Variants in GAREM1 observed in about 807,000 individuals in gnomAD.
GAREM1 encodes the protein GRB2-associated and regulator of MAPK protein 1.
A neutral mutation model predicts 71.3 loss-of-function variants in GAREM1; 26 were observed. The observed-to-expected ratio is 0.36, with a 90% confidence interval of 0.27 to 0.51. GAREM1 has a LOEUF of 0.51. Among genes scored for constraint, GAREM1 ranks in the 20% least tolerant of loss-of-function variants. The pLI is 0.95. For synonymous variants in GAREM1, 440 were observed against 433.2 expected (o/e 1.02, Z -0.20); for missense variants, 1,026 against 1,103.1 (o/e 0.93, Z 0.99).
intron 3 of GAREM1, among the ~76,000 whole-genome samples, chr18:32,308,153 T>A (rs79921336): frequency 0.018 from 2,785 of 152,304 alleles, 88 homozygotes; most frequent in African/African-American, 0.064. Flanking sequence ...CAATTAGTTT[T>A]ATGGATGCTA....
intron 1 of GAREM1, among the ~76,000 whole-genome samples, chr18:32,410,458 C>T (rs1482883272): frequency 6.6e-6 from 1 of 152,144 alleles, no homozygotes; most frequent in Non-Finnish European, 1.5e-5. Flanking sequence ...AATGATTCTC[C>T]TGCCTTAGCC....
chr18:32,310,743 AG>A (rs1474843572), intron 2 of GAREM1, among the ~76,000 whole-genome samples: 1 of 152,092 alleles, frequency 6.6e-6, no homozygotes. Context: ...AGCCTGGGAG[AG>A]CTAACTTTTA....
chr18:32,403,947 G>T (rs1297819478), intron 1 of GAREM1, among the ~76,000 whole-genome samples: 1 of 152,162 alleles, frequency 6.6e-6, no homozygotes, highest in Non-Finnish European at 1.5e-5. Context: ...TTTAAAACTG[G>T]TCTATACATT....
At chr18:32,321,225 G>A (rs1040178661) in intron 2 of GAREM1, among the ~76,000 whole-genome samples, 8 of 152,010 alleles carry the variant, frequency 5.3e-5, no homozygotes, top group East Asian at 1.9e-4. Context: ...CCTCTGCCTC[G>A]GCTTTTATTT....
At chr18:32,337,912 T>C (rs563459662) in intron 2 of GAREM1, among the ~76,000 whole-genome samples, 1 of 152,292 alleles carries the variant, frequency 6.6e-6, no homozygotes, top group East Asian at 1.9e-4. Flanking sequence ...TTGAACTTCC[T>C]TGGTTGAATG....
intron 1 of GAREM1, among the ~76,000 whole-genome samples, chr18:32,458,479 T>C (rs1195921050): frequency 6.6e-6 from 1 of 152,070 alleles, no homozygotes; most frequent in African/African-American, 2.4e-5. Context: ...TCACAATTAT[T>C]CAATTTCAAA....
rs1353467957 is a variant in GAREM1, at chr18:32,470,418, G to T, written c.11C>A (p.Ala4Glu). MDP[A>E]PSLGCSLKDV... ...CTTGAGGCTGCAGCCCAGCGAGGGC[G>T]CCGGGTCCATCTTCCCCGAAGCCTC... is the stretch of plus-strand genomic sequence containing the variant. The change falls in exon 1 of 6, where the codon GCG (alanine) becomes GAG (glutamate). Residue 4 changes from alanine (A) to glutamate (E), a missense_variant. Physicochemically the swap from Ala to Glu is moderately radical, Grantham distance 107. This residue lies in a region of GAREM1 where 172 missense variants were observed against 175.2 expected (regional missense o/e 0.98). Coordinates refer to ENST00000269209, the MANE Select transcript of GAREM1 (RefSeq NM_001242409.2). The surrounding 1 kb of genome is among the most constrained non-coding windows in gnomAD (Gnocchi z 4.4). 3 of 1,513,370 alleles carry T rather than the reference G, an allele frequency of 2.0e-6. No individual in the cohort carries two copies. The East Asian group carries it at 8.2e-5, about 41-fold the overall frequency. 93.7% of individuals were successfully genotyped at this position (1,513,370 alleles called of 1,614,324 possible).
chr18:32,353,524 G>GA (rs1270647428), intron 2 of GAREM1, among the ~76,000 whole-genome samples: 3 of 152,158 alleles, frequency 2.0e-5, no homozygotes, highest in Non-Finnish European at 4.4e-5. Context: ...CTAAAGTATT[G>GA]AATTTCTTGC....
chr18:32,279,753 G>A (rs893026391), intron 4 of GAREM1, among the ~76,000 whole-genome samples: 2 of 152,054 alleles, frequency 1.3e-5, no homozygotes, highest in South Asian at 2.1e-4. Context: ...TCATGAAACT[G>A]GTCCCTGGTG....
chr18:32,466,382 A>AAT (rs2048999197), intron 1 of GAREM1, among the ~76,000 whole-genome samples: 1 of 152,234 alleles, frequency 6.6e-6, no homozygotes, highest in East Asian at 1.9e-4. Context: ...TTAGAAATCA[A>AAT]ATATATATTT....
intron 2 of GAREM1, among the ~76,000 whole-genome samples, chr18:32,375,714 T>C (rs1042696728): frequency 2.6e-5 from 4 of 152,204 alleles, no homozygotes; most frequent in Admixed American, 2.6e-4. Context: ...ATTCCAATAT[T>C]GAATAAATTA....
At chr18:32,314,750 G>A (rs2047359595) in intron 2 of GAREM1, among the ~76,000 whole-genome samples, 1 of 151,856 alleles carries the variant, frequency 6.6e-6, no homozygotes, top group African/African-American at 2.4e-5. Flanking sequence ...CACCATGCCT[G>A]GCTAATTTTT....
At chr18:32,387,090 G>C (rs919806927) in intron 2 of GAREM1, among the ~76,000 whole-genome samples, 3 of 148,626 alleles carry the variant, frequency 2.0e-5, no homozygotes, top group Non-Finnish European at 4.4e-5. Context: ...GAAAGGGTCA[G>C]CATAAACAAG....
chr18:32,309,785 T>C (rs2047296236), intron 3 of GAREM1, among the ~76,000 whole-genome samples: 1 of 152,154 alleles, frequency 6.6e-6, no homozygotes, highest in African/African-American at 2.4e-5. Context: ...TAGAAACCTA[T>C]TCTATCTTTG....
At chr18:32,280,814 T>G (rs1209736733) in intron 4 of GAREM1, among the ~76,000 whole-genome samples, 2 of 152,184 alleles carry the variant, frequency 1.3e-5, no homozygotes. Flanking sequence ...GGAGGCTGAC[T>G]GACCCCCGTG....
intron 3 of GAREM1, among the ~76,000 whole-genome samples, chr18:32,292,126 T>C (rs540500165): frequency 1.3e-5 from 2 of 152,338 alleles, no homozygotes; most frequent in South Asian, 2.1e-4. Context: ...AAAGCATTCC[T>C]ATTTCTCCAC....
chr18:32,415,295 A>T (rs553642391), intron 1 of GAREM1, among the ~76,000 whole-genome samples: 5 of 152,054 alleles, frequency 3.3e-5, no homozygotes, highest in Admixed American at 1.3e-4. Flanking sequence ...ACTAATACCA[A>T]TCATACTCAA....
chr18:32,336,542 C>T (rs1047933720), intron 2 of GAREM1, among the ~76,000 whole-genome samples: 2 of 152,122 alleles, frequency 1.3e-5, no homozygotes, highest in Non-Finnish European at 2.9e-5. Context: ...TTAATTCCCT[C>T]ATGCTGTACT....
chr18:32,411,338 G>GGATTT (rs2048413844), intron 1 of GAREM1, among the ~76,000 whole-genome samples: 1 of 151,876 alleles, frequency 6.6e-6, no homozygotes, highest in African/African-American at 2.4e-5. Flanking sequence ...CAAACGTTAG[G>GGATTT]GATTTTCAGT....
Sources: gnomAD v4.1 joint callset for allele counts (sites outside exome capture counted in the v4.1 genomes callset) on GRCh38, gnomAD v4.1.1 for gene constraint, gnomAD v4.1.1 regional missense constraint, Gnocchi (gnomAD v3.1) non-coding constraint, MANE v1.5 for transcripts, NCBI Gene and HGNC (gene_info 2026-07-23, HGNC 2026-07-21) for gene names.